Variants in ADGRD1 observed in about 807,000 individuals in gnomAD.
ADGRD1 encodes the protein adhesion G protein-coupled receptor D1.
ADGRD1 carries 77 observed loss-of-function variants against 113.4 expected under a neutral mutation model. The observed-to-expected ratio is 0.68, with a 90% confidence interval of 0.57 to 0.82. The LOEUF is 0.82. Ranked by LOEUF, ADGRD1 falls within the 40% of genes least tolerant of loss-of-function variation. The pLI is 0.00. For synonymous variants in ADGRD1, 474 were observed against 475.0 expected, an observed-to-expected ratio of 1.00 and a Z score of 0.03; for missense variants, 1,036 against 1,139.1, an observed-to-expected ratio of 0.91 and a Z score of 1.30.
chr12:130,966,900 G>C lies in ADGRD1; in HGVS notation c.187+354G>C, dbSNP rs965538196. On this transcript the variant is annotated intron_variant, in intron 3 of 24. Transcript: ENST00000261654. The surrounding 1 kb of genome is among the most constrained non-coding windows in gnomAD (Gnocchi z 4.6). ...CTCCCAAAGTGCTGGAATTACAGGC[G>C]TGAGCCACTGTGCCAGGCCACGAAG... is the stretch of plus-strand genomic sequence containing the variant. 9.2e-6 allele frequency: 4 copies of C among 435,816 alleles called. No homozygotes were observed. Among genetic ancestry groups the C allele is most frequent in the Middle Eastern group, 3.8e-4 (1 of 2,636 alleles). 27.0% of individuals were successfully genotyped at this position (435,816 alleles called of 1,614,324 possible).
At chr12:131,128,687 T>C (rs55945523) in intron 20 of ADGRD1, among the ~76,000 whole-genome samples, 21,382 of 152,112 alleles carry the variant, frequency 0.14, 2,031 homozygotes, top group African/African-American at 0.28. Flanking sequence ...ATGGGTATCC[T>C]GGGGTTTTGT....
At position 131,113,507 on chromosome 12, in the gene ADGRD1, G is replaced by A. The variant is rs960336875; in HGVS notation, c.2041+4630G>A. 2.6e-5 allele frequency among the ~76,000 whole-genome samples: 4 copies of A among 152,204 alleles called. No individual in the cohort carries two copies. Among genetic ancestry groups the A allele is most frequent in the Admixed American group, 2.0e-4 (3 of 15,284 alleles). ...GGGACCTGCTACTTGTTTCAAATAC[G>A]TTTAATTTTCACAGTCTTTGTTATG... is the stretch of plus-strand genomic sequence containing the variant. On this transcript the variant is annotated intron_variant, in intron 18 of 24. Transcript: ENST00000261654. This position sits in a 1 kb window ranked among gnomAD's most constrained non-coding sequence, Gnocchi z 4.9.
rs1428898587 is a variant in ADGRD1 at position 131,021,223 on chromosome 12, C to T, written c.1473+6883C>T. 2.0e-5 allele frequency among the ~76,000 whole-genome samples: 3 copies of T among 152,156 alleles called. No homozygotes were observed. The East Asian group carries it at 5.8e-4, about 29-fold the overall frequency. On this transcript the variant is annotated intron_variant, in intron 13 of 24. Transcript: ENST00000261654. ...AGTAAATTGACACTGATATTAACGA[C>T]AGACGTTTTTTGAATGGTGTCAGTT... is the stretch of plus-strand genomic sequence containing the variant.
At chr12:131,087,826 C>T (rs1886596473) in intron 15 of ADGRD1, among the ~76,000 whole-genome samples, 1 of 152,216 alleles carries the variant, frequency 6.6e-6, no homozygotes, top group Non-Finnish European at 1.5e-5. Context: ...AGGGCCATGA[C>T]CTGGATCATT....
intron 9 of ADGRD1, chr12:131,002,950 C>T (rs555950004): frequency 1.7e-4 from 126 of 739,214 alleles, no homozygotes; most frequent in Non-Finnish European, 2.3e-4. Flanking sequence ...ATGCAGGAGC[C>T]GGCGATGGCT....
intron 13 of ADGRD1, among the ~76,000 whole-genome samples, chr12:131,072,324 A>G (rs927291195): frequency 6.6e-6 from 1 of 152,158 alleles, no homozygotes; most frequent in African/African-American, 2.4e-5. Flanking sequence ...TTGACGATGA[A>G]CAGACAGCAA....
At chr12:131,065,110 G>T (rs1884612317) in intron 13 of ADGRD1, among the ~76,000 whole-genome samples, 1 of 152,130 alleles carries the variant, frequency 6.6e-6, no homozygotes, top group Non-Finnish European at 1.5e-5. Flanking sequence ...CTTGGTCCTT[G>T]TAGAAGCCAC....
chr12:131,104,236 G>A (rs564565309), intron 15 of ADGRD1, among the ~76,000 whole-genome samples: 22 of 151,718 alleles, frequency 1.5e-4, no homozygotes, highest in African/African-American at 3.4e-4. Flanking sequence ...GGCCTCAGGC[G>A]GGGGCGGTAG....
At chr12:131,099,824 T>C (rs1950028057) in intron 15 of ADGRD1, among the ~76,000 whole-genome samples, 1 of 152,202 alleles carries the variant, frequency 6.6e-6, no homozygotes, top group Non-Finnish European at 1.5e-5. Context: ...GGCTATTAGC[T>C]CAGTTCAAGG....
intron 5 of ADGRD1, among the ~76,000 whole-genome samples, chr12:130,985,089 C>G (rs1339121894): frequency 2.9e-5 from 4 of 135,888 alleles, no homozygotes; most frequent in African/African-American, 5.3e-5. Flanking sequence ...CATGTGCCAC[C>G]ATGTCTCACT....
intron 13 of ADGRD1, chr12:131,070,863 G>C (rs375813692): frequency 3.6e-4 from 187 of 518,952 alleles, no homozygotes; most frequent in Admixed American, 2.6e-3. Flanking sequence ...GTCATGGAGT[G>C]TCTGCACGGG....
chr12:131,046,206 T>A (rs1240136336), intron 13 of ADGRD1, among the ~76,000 whole-genome samples: 1 of 121,878 alleles, frequency 8.2e-6, no homozygotes, highest in African/African-American at 3.7e-5. Flanking sequence ...CAGTGCTCCC[T>A]CCCTGGTCAG....
chr12:130,968,221 GTGATA>G (rs1871234438), intron 3 of ADGRD1: 1 of 152,198 alleles, frequency 6.6e-6, no homozygotes, highest in African/African-American at 2.4e-5. Context: ...TTCTCCTAAG[GTGATA>G]TATTCACACA....
At chr12:131,129,895 GGCAGATGGCCAAGGCCAGCCT>G in intron 20 of ADGRD1, among the ~76,000 whole-genome samples, 1 of 152,356 alleles carries the variant, frequency 6.6e-6, no homozygotes, top group South Asian at 2.1e-4. Context: ...GTGCTTCCCA[GGCAGATGGCCAAGGCCAGCCT>G]GCCCCGAGGG....
chr12:131,025,386 C>T (rs928954679), intron 13 of ADGRD1, among the ~76,000 whole-genome samples: 16 of 152,204 alleles, frequency 1.1e-4, no homozygotes, highest in African/African-American at 3.1e-4. Flanking sequence ...TTTCCCCTGG[C>T]GGCACTCTGT....
intron 13 of ADGRD1, among the ~76,000 whole-genome samples, chr12:131,029,057 C>G (rs1215037659): frequency 6.6e-6 from 1 of 152,200 alleles, no homozygotes. Context: ...AGCTGCGTAG[C>G]TTTGGTTATT....
intron 4 of ADGRD1, among the ~76,000 whole-genome samples, chr12:130,973,628 C>T (rs1871952445): frequency 6.6e-6 from 1 of 152,224 alleles, no homozygotes; most frequent in Non-Finnish European, 1.5e-5. Flanking sequence ...TAATCCCAAA[C>T]ATGTATTCAC....
chr12:131,078,267 A>C (rs570610400), intron 14 of ADGRD1, among the ~76,000 whole-genome samples: 1 of 152,328 alleles, frequency 6.6e-6, no homozygotes, highest in South Asian at 2.1e-4. Flanking sequence ...CAGCGAGGAA[A>C]GTGCAGCCCA....
At chr12:131,129,434 C>T (rs1416531537) in intron 20 of ADGRD1, among the ~76,000 whole-genome samples, 2 of 110,418 alleles carry the variant, frequency 1.8e-5, no homozygotes, top group East Asian at 4.8e-4. Flanking sequence ...GCCCGCCCTG[C>T]TGTCTGGGTG....
Sources: allele counts gnomAD v4.1 joint callset (sites outside exome capture counted in the v4.1 genomes callset), GRCh38; gene constraint gnomAD v4.1.1; non-coding constraint Gnocchi (gnomAD v3.1); transcripts MANE v1.5; gene names NCBI Gene and HGNC (gene_info 2026-07-23, HGNC 2026-07-21).